Variants in ASPH observed in about 807,000 individuals in gnomAD.
ASPH encodes aspartyl/asparaginyl beta-hydroxylase.
ASPH carries 100 observed loss-of-function variants against 118.4 expected under a neutral mutation model. The ratio of observed to expected loss-of-function variants is 0.84; its 90% CI spans 0.72 to 1.00. ASPH has a LOEUF of 1.00. Ranked by LOEUF, ASPH falls within the 50% of genes least tolerant of loss-of-function variation. The probability of loss-of-function intolerance (pLI) is 0.00; values close to 1 mark genes in which losing one functional copy is unlikely to be tolerated. For missense variants in ASPH, 920 were observed against 919.5 expected (o/e 1.00, Z -0.01); for synonymous variants, 315 against 325.6 (o/e 0.97, Z 0.35).
At chr8:61,708,784 T>A (rs1837335715) in intron 1 of ASPH, among the ~76,000 whole-genome samples, 3 of 152,170 alleles carry the variant, frequency 2.0e-5, no homozygotes, top group Non-Finnish European at 4.4e-5. Context: ...GGCACACATG[T>A]AGGAGAGAAG....
rs1199449926 is a variant in ASPH, at chr8:61,574,500, A to G, written c.1149+2272T>C. ...AAAGAAAATGTGGCACATATACACC[A>G]TGGAATACTATGCAGCCATAAAAAC... On this transcript the variant is annotated intron_variant, in intron 16 of 24. Coordinates refer to ENST00000379454, the MANE Select transcript of ASPH (RefSeq NM_004318.4). Among the ~76,000 whole-genome samples the G allele has an allele frequency of 2.6e-5, 4 of 152,214 alleles. No homozygotes were observed. In the East Asian group the frequency reaches 7.7e-4, roughly 29 times the overall value.
Position 61,555,939 on chromosome 8 carries a change from G to A in ASPH, c.1521C>T (p.Ser507=). ...ILKAQNKIAE[S]IPYLKEGIES... is the part of the protein sequence containing the mutation. ...TGAGCATTACCTTTAAATATGGGAT[G>A]CTCTCAGCAATTTTGTTCTGTGCCT... is the stretch of plus-strand genomic sequence containing the variant. The change falls in exon 19 of 25, where the codon AGC becomes AGT. Residue 507 remains serine, a synonymous_variant. Transcript: ENST00000379454. 1.2e-6 allele frequency: 2 copies of A among 1,613,924 alleles called. No individual in the cohort carries two copies. Among genetic ancestry groups the A allele is most frequent in the East Asian group, 2.2e-5 (1 of 44,858 alleles).
intron 18 of ASPH, among the ~76,000 whole-genome samples, chr8:61,561,828 T>G (rs1258169247): frequency 6.6e-6 from 1 of 152,192 alleles, no homozygotes; most frequent in Non-Finnish European, 1.5e-5. Flanking sequence ...CTTAAGAGGC[T>G]GAAGCAGGAG....
At chr8:61,609,173 C>A (rs16927639) in intron 14 of ASPH, among the ~76,000 whole-genome samples, 1 of 152,112 alleles carries the variant, frequency 6.6e-6, no homozygotes, top group Non-Finnish European at 1.5e-5. Flanking sequence ...CAGCTCCTAA[C>A]GACGTGGCAG....
chr8:61,573,233 A>G (rs978291769), intron 16 of ASPH, among the ~76,000 whole-genome samples: 2 of 152,222 alleles, frequency 1.3e-5, no homozygotes, highest in South Asian at 4.1e-4. Flanking sequence ...AAATGGAAAA[A>G]CATTCCATGC....
At chr8:61,638,048 A>T in intron 11 of ASPH, 45 bp from the exon 12 acceptor site, 1 of 1,545,110 alleles carries the variant, frequency 6.5e-7, no homozygotes, top group Non-Finnish European at 8.8e-7. Context: ...GTTGCTGACC[A>T]GTGACACATC....
intron 24 of ASPH, among the ~76,000 whole-genome samples, chr8:61,506,934 A>T (rs1043647867): frequency 2.6e-4 from 40 of 152,190 alleles, no homozygotes; most frequent in African/African-American, 9.7e-4. Context: ...TTTGTACAGC[A>T]ATGACAAGTG....
At chr8:61,659,167 A>T (rs1563435007) in intron 3 of ASPH, 2 of 152,236 alleles carry the variant, frequency 1.3e-5, no homozygotes, top group African/African-American at 4.8e-5. Context: ...TTTCAGTCTC[A>T]TTACTTTCTC....
intron 14 of ASPH, among the ~76,000 whole-genome samples, chr8:61,603,045 T>G (rs1844524177): frequency 6.6e-6 from 1 of 151,550 alleles, no homozygotes; most frequent in Non-Finnish European, 1.5e-5. Flanking sequence ...ATGCAAAAAT[T>G]AGCCAGGTAT....
intron 22 of ASPH, among the ~76,000 whole-genome samples, chr8:61,525,009 G>C (rs1396618690): frequency 2.0e-5 from 3 of 152,138 alleles, no homozygotes; most frequent in Non-Finnish European, 4.4e-5. Context: ...AAAGTGGATA[G>C]ACACTTTTCT....
chr8:61,664,632 G>C (rs1322305313), intron 3 of ASPH: 24 of 985,940 alleles, frequency 2.4e-5, no homozygotes, highest in Non-Finnish European at 2.9e-5. Flanking sequence ...GGAAAGGAGA[G>C]AGTAAAAGAC....
At chr8:61,654,807 C>T (rs1217645339) in intron 3 of ASPH, among the ~76,000 whole-genome samples, 1 of 152,170 alleles carries the variant, frequency 6.6e-6, no homozygotes, top group Non-Finnish European at 1.5e-5. Context: ...CTGACACCAA[C>T]ACATACAGTT....
In ASPH at chr8:61,651,104, C is replaced by T. The variant is rs2151100612; in HGVS notation, c.436G>A (p.Glu146Lys). The change falls in exon 5 of 25, where the codon GAA becomes AAA. Residue 146 changes from glutamate (E) to lysine (K), a missense_variant. By Grantham distance (56) the Glu-to-Lys change is moderately conservative. Transcript: ENST00000379454. The stretch of plus-strand genomic sequence containing the variant: ...AGGGACTGAATTTGTTCTTTTGCTT[C>T]ATCTTCGATATTCTGGGGTTCTAAA... ...VEAEPQNIED[E>K]AKEQIQSLLH... The T allele has an allele frequency of 6.2e-7, 1 of 1,613,742 alleles. No homozygotes were observed. The highest frequency in any genetic ancestry group is 8.5e-7 in the Non-Finnish European group (1 of 1,179,872).
chr8:61,647,713 A>G (rs1376491998), intron 5 of ASPH, among the ~76,000 whole-genome samples: 1 of 152,114 alleles, frequency 6.6e-6, no homozygotes, highest in Non-Finnish European at 1.5e-5. Flanking sequence ...AAAAATAAAT[A>G]AAAATAAATT....
chr8:61,518,623 G>T (rs1811771594), intron 22 of ASPH, among the ~76,000 whole-genome samples: 1 of 152,016 alleles, frequency 6.6e-6, no homozygotes, highest in Non-Finnish European at 1.5e-5. Flanking sequence ...AAAGAAAATG[G>T]TATTAAGAAA....
chr8:61,668,976 C>T lies in ASPH; in HGVS notation c.322+11992G>A, dbSNP rs537620460. ...TCCCAATGAACTGATCTTCCCAATT[C>T]TCTCTCTCAGTCACATAAAGGCTGG... On this transcript the variant is annotated intron_variant, in intron 3 of 24. Coordinates refer to ENST00000379454, the MANE Select transcript of ASPH (RefSeq NM_004318.4). Among the ~76,000 whole-genome samples the T allele has an allele frequency of 3.8e-3, 584 of 152,272 alleles. 3 individuals carry two copies. The highest frequency in any genetic ancestry group is 0.014 in the African/African-American group (567 of 41,572).
intron 14 of ASPH, among the ~76,000 whole-genome samples, chr8:61,597,913 C>T (rs1378748388): frequency 1.3e-5 from 2 of 152,192 alleles, no homozygotes; most frequent in African/African-American, 4.8e-5. Context: ...AGGACAATAT[C>T]TGCCACCATG....
intron 10 of ASPH, among the ~76,000 whole-genome samples, chr8:61,640,507 C>G (rs939849481): frequency 1.3e-5 from 2 of 152,204 alleles, no homozygotes; most frequent in Non-Finnish European, 2.9e-5. Flanking sequence ...ATTGTTCTCA[C>G]CTTCAGCTCA....
intron 3 of ASPH, chr8:61,665,723 A>C: frequency 1.8e-6 from 2 of 1,096,000 alleles, no homozygotes; most frequent in Non-Finnish European, 2.5e-6. Context: ...GGAAATGCAC[A>C]TTCAGAAAGT....
Sources: allele counts gnomAD v4.1 joint callset (sites outside exome capture counted in the v4.1 genomes callset), GRCh38; gene constraint gnomAD v4.1.1; transcripts MANE v1.5; gene names NCBI Gene and HGNC (gene_info 2026-07-23, HGNC 2026-07-21).